Variants in NELL1 observed in about 807,000 individuals in gnomAD.
The protein encoded by NELL1 is neural EGFL like 1.
A neutral mutation model predicts 107.4 loss-of-function variants in NELL1; 76 were observed. The observed-to-expected ratio is 0.71, with a 90% confidence interval of 0.59 to 0.86. NELL1 has a LOEUF of 0.86. NELL1 is among the 40% of genes least tolerant of loss of function. NELL1 has a pLI of 0.00. For missense variants in NELL1, 1,024 were observed against 1,005.5 expected (o/e 1.02, Z -0.25); for synonymous variants, 353 against 341.2 (o/e 1.03, Z -0.38).
intron 1 of NELL1, chr11:20,674,518 C>T (rs894954415): frequency 1.3e-6 from 2 of 1,535,992 alleles, no homozygotes; most frequent in African/African-American, 1.4e-5. Flanking sequence ...CGTGTTATCG[C>T]TGATATGGAG....
intron 13 of NELL1, among the ~76,000 whole-genome samples, chr11:21,203,112 A>C (rs1334385552): frequency 6.6e-6 from 1 of 152,130 alleles, no homozygotes; most frequent in African/African-American, 2.4e-5. Flanking sequence ...TCTGAGGTGG[A>C]GAGTTCTGTA....
intron 13 of NELL1, among the ~76,000 whole-genome samples, chr11:21,181,018 G>A (rs989772341): frequency 3.3e-5 from 5 of 151,696 alleles, no homozygotes; most frequent in African/African-American, 7.3e-5. Context: ...GAGGATGCTC[G>A]AAGTGCCTAT....
At chr11:20,861,440 C>G (rs578016000) in intron 4 of NELL1, among the ~76,000 whole-genome samples, 2 of 152,290 alleles carry the variant, frequency 1.3e-5, no homozygotes, top group East Asian at 1.9e-4. Context: ...TGGAGCAGTA[C>G]TCACCTGCAA....
chr11:21,363,471 G>C (rs1355870798), intron 14 of NELL1, among the ~76,000 whole-genome samples: 1 of 152,100 alleles, frequency 6.6e-6, no homozygotes, highest in Non-Finnish European at 1.5e-5. Flanking sequence ...CACAGAATTT[G>C]CTTCTTTCAA....
chr11:20,982,803 A>C (rs748547140), intron 12 of NELL1, among the ~76,000 whole-genome samples: 6 of 152,200 alleles, frequency 3.9e-5, no homozygotes, highest in Non-Finnish European at 5.9e-5. Context: ...GTTTCTAAAA[A>C]GTTGTTTGTA....
chr11:21,340,585 A>AGGGTG (rs1303194952), intron 14 of NELL1, among the ~76,000 whole-genome samples: 3 of 141,950 alleles, frequency 2.1e-5, no homozygotes, highest in Admixed American at 1.4e-4. Context: ...ATAGTGGAGT[A>AGGGTG]GGGTAGGGTG....
intron 2 of NELL1, among the ~76,000 whole-genome samples, chr11:20,687,154 C>G (rs1369481892): frequency 6.7e-6 from 1 of 149,314 alleles, no homozygotes; most frequent in South Asian, 2.1e-4. Context: ...TGAGTTTTGT[C>G]TAAAAGAAGG....
At chr11:21,550,581 C>CATTT (rs1463734000) in intron 16 of NELL1, among the ~76,000 whole-genome samples, 2 of 151,960 alleles carry the variant, frequency 1.3e-5, no homozygotes, top group Non-Finnish European at 2.9e-5. Context: ...TTCCCAGCAC[C>CATTT]ATTTATTAAA....
intron 12 of NELL1, among the ~76,000 whole-genome samples, chr11:21,084,014 A>T (rs1854330676): frequency 6.6e-6 from 1 of 152,206 alleles, no homozygotes; most frequent in Admixed American, 6.5e-5. Flanking sequence ...TGTAGGCTGC[A>T]CTTGGCACTA....
At chr11:21,190,888 T>C (rs1015308583) in intron 13 of NELL1, among the ~76,000 whole-genome samples, 11 of 151,654 alleles carry the variant, frequency 7.3e-5, no homozygotes, top group South Asian at 2.1e-4. Context: ...CCAATTCAAG[T>C]AGACAATGAG....
chr11:20,715,619 C>T (rs767539387), intron 2 of NELL1, among the ~76,000 whole-genome samples: 1 of 152,148 alleles, frequency 6.6e-6, no homozygotes, highest in African/African-American at 2.4e-5. Flanking sequence ...TTAAGAGACA[C>T]CAGAGGACAT....
rs1032132642 is a variant in NELL1 at position 21,326,028 on chromosome 11, C to T, written c.1550-44825C>T. Among the ~76,000 whole-genome samples the T allele has an allele frequency of 3.8e-4, 47 of 124,118 alleles. 1 individual carries two copies. The highest frequency in any genetic ancestry group is 2.3e-3 in the Admixed American group (28 of 12,412). The allele number at this position is 124,118 out of a possible 152,430, so 81.4% of individuals were successfully genotyped here. A position where few individuals can be genotyped will look rare whatever the true frequency, so the allele number is the denominator to read the frequency against. ...AGACCCACAATTTGTTTATCCACCACGGATATTTGTGTTAATCCTAGTTTT... is the reference window on the plus strand; with the variant it reads ...AGACCCACAATTTGTTTATCCACCATGGATATTTGTGTTAATCCTAGTTTT... On this transcript the variant is annotated intron_variant, in intron 14 of 19. Transcript: ENST00000357134.
intron 14 of NELL1, among the ~76,000 whole-genome samples, chr11:21,310,070 A>G (rs1849717249): frequency 1.3e-5 from 2 of 151,910 alleles, no homozygotes; most frequent in South Asian, 4.1e-4. Flanking sequence ...AGTACATTAG[A>G]TGAATTATTT....
chr11:21,052,369 C>T (rs980449720), intron 12 of NELL1, among the ~76,000 whole-genome samples: 2 of 151,804 alleles, frequency 1.3e-5, no homozygotes, highest in Admixed American at 6.6e-5. Context: ...GTGTGGCAAG[C>T]GGGGAGGCAG....
At chr11:21,302,592 A>G (rs765597898) in intron 14 of NELL1, among the ~76,000 whole-genome samples, 3 of 152,048 alleles carry the variant, frequency 2.0e-5, no homozygotes, top group Admixed American at 6.6e-5. Context: ...GCCTTTAGAT[A>G]GAAATGTAGG....
At chr11:20,766,423 G>A (rs1208222271) in intron 2 of NELL1, among the ~76,000 whole-genome samples, 1 of 152,190 alleles carries the variant, frequency 6.6e-6, no homozygotes, top group African/African-American at 2.4e-5. Context: ...CATTCAGGGC[G>A]TGGCAAGGTT....
intron 12 of NELL1, among the ~76,000 whole-genome samples, chr11:20,972,684 G>T (rs558263012): frequency 8.4e-4 from 128 of 152,296 alleles, no homozygotes; most frequent in Middle Eastern, 3.4e-3. Context: ...GAGAGAAAAA[G>T]AATTGGGAGG....
chr11:20,704,017 G>T (rs1182763002), intron 2 of NELL1, among the ~76,000 whole-genome samples: 1 of 152,172 alleles, frequency 6.6e-6, no homozygotes, highest in Non-Finnish European at 1.5e-5. Context: ...ATGTCTATTA[G>T]GTCCGCTTGG....
chr11:21,207,637 T>C (rs1004761761), intron 13 of NELL1, among the ~76,000 whole-genome samples: 1 of 152,196 alleles, frequency 6.6e-6, no homozygotes, highest in East Asian at 1.9e-4. Context: ...ATTATATCAA[T>C]GGTCTTGAGA....
Sources: allele counts gnomAD v4.1 joint callset (sites outside exome capture counted in the v4.1 genomes callset), GRCh38; gene constraint gnomAD v4.1.1; transcripts MANE v1.5; gene names NCBI Gene and HGNC (gene_info 2026-07-23, HGNC 2026-07-21).